Variants in BCAS4 observed in about 807,000 individuals in gnomAD.
The protein encoded by BCAS4 is breast carcinoma amplified sequence 4.
BCAS4 carries 9 observed loss-of-function variants against 15.7 expected under a neutral mutation model. The observed-to-expected ratio is 0.57, with a 90% CI of 0.34 to 1.00. The LOEUF is 1.00. Ranked by LOEUF, BCAS4 falls within the 50% of genes least tolerant of loss-of-function variation. The probability of loss-of-function intolerance (pLI) is 0.02; values close to 1 mark genes in which losing one functional copy is unlikely to be tolerated. For synonymous variants in BCAS4, 101 were observed against 99.5 expected (o/e 1.02, Z -0.09); for missense variants, 225 against 239.1 (o/e 0.94, Z 0.39).
chr20:50,825,249 T>G (rs2088265692), intron 2 of BCAS4, among the ~76,000 whole-genome samples: 1 of 152,196 alleles, frequency 6.6e-6, no homozygotes, highest in African/African-American at 2.4e-5. Context: ...TTTAATAAAT[T>G]TTTAATTTTT....
Position 50,843,154 on chromosome 20 carries a change from G to A in BCAS4, c.399+1254G>A, listed in dbSNP as rs560398692. ...TTTCTTTTTGTAGAGACAGAGGCTC[G>A]CTTTGCTGCCCAGGCTGGTCTCCAT... On this transcript the variant is annotated intron_variant, in intron 4 of 4. Coordinates refer to ENST00000371608, the MANE Select transcript of BCAS4 (RefSeq NM_198799.4). Among the ~76,000 whole-genome samples the A allele has an allele frequency of 4.6e-5, 7 of 151,576 alleles. No homozygotes were observed. The East Asian group carries it at 5.9e-4, about 13-fold the overall frequency.
At chr20:50,875,786 G>GAA (rs34402774) in intron 4 of BCAS4, among the ~76,000 whole-genome samples, 169 of 144,450 alleles carry the variant, frequency 1.2e-3, no homozygotes, top group African/African-American at 4.1e-3. Flanking sequence ...CGTCTCAAAA[G>GAA]AAAAAAAAAA....
Position 50,825,399 on chromosome 20 carries a change from G to A in BCAS4, c.163-4880G>A, listed in dbSNP as rs547248815. Among the ~76,000 whole-genome samples, 15 of 152,202 alleles carry A rather than the reference G, an allele frequency of 9.9e-5. No individual in the cohort carries two copies. In the South Asian group the frequency reaches 3.1e-3, roughly 32 times the overall value. Reference sequence around the variant, plus strand: ...ACCTGGCCCTAAAGTTTCTTTTATGGTTCCCAGCCCAGGGTGGAACCAAGA... The same window carrying A: ...ACCTGGCCCTAAAGTTTCTTTTATGATTCCCAGCCCAGGGTGGAACCAAGA... On this transcript the variant is annotated intron_variant, in intron 2 of 4. Coordinates refer to ENST00000371608, the MANE Select transcript of BCAS4 (RefSeq NM_198799.4).
intron 4 of BCAS4, among the ~76,000 whole-genome samples, chr20:50,855,339 C>T (rs1410164032): frequency 6.6e-6 from 1 of 152,150 alleles, no homozygotes; most frequent in Non-Finnish European, 1.5e-5. Flanking sequence ...GTTCATCTTG[C>T]TTGTCTCTGC....
chr20:50,838,670 C>G (rs2088439275), intron 3 of BCAS4, among the ~76,000 whole-genome samples: 2 of 152,092 alleles, frequency 1.3e-5, no homozygotes, highest in Non-Finnish European at 1.5e-5. Context: ...CACAGAGAAA[C>G]TCCGTCTCTA....
At chr20:50,850,211 G>A (rs1180785914) in intron 4 of BCAS4, among the ~76,000 whole-genome samples, 2 of 152,190 alleles carry the variant, frequency 1.3e-5, no homozygotes, top group Non-Finnish European at 2.9e-5. Context: ...GTATACGAAG[G>A]GCTTTCTGTG....
chr20:50,812,751 T>C (rs2123765016), intron 1 of BCAS4, among the ~76,000 whole-genome samples: 1 of 152,048 alleles, frequency 6.6e-6, no homozygotes, highest in Admixed American at 6.5e-5. Flanking sequence ...TTTCAACTTT[T>C]TGACTGTAAT....
chr20:50,815,327 C>CA (rs1248946459), intron 1 of BCAS4, among the ~76,000 whole-genome samples: 1 of 152,160 alleles, frequency 6.6e-6, no homozygotes, highest in Non-Finnish European at 1.5e-5. Flanking sequence ...CGTGGCCTCC[C>CA]ATGCAGGTTG....
At chr20:50,860,272 C>T (rs73280664) in intron 4 of BCAS4, among the ~76,000 whole-genome samples, 2,196 of 152,246 alleles carry the variant, frequency 0.014, 64 homozygotes, top group African/African-American at 0.048. Context: ...CTCCCCAGTC[C>T]GACTTGGACT....
At chr20:50,870,157 G>T (rs1979561384) in intron 4 of BCAS4, among the ~76,000 whole-genome samples, 1 of 152,244 alleles carries the variant, frequency 6.6e-6, no homozygotes, top group Admixed American at 6.5e-5. Context: ...TTGTGACAGA[G>T]ACTGTGTGGT....
chr20:50,815,848 G>A (rs529284459), intron 1 of BCAS4, among the ~76,000 whole-genome samples: 2 of 152,320 alleles, frequency 1.3e-5, no homozygotes, highest in African/African-American at 2.4e-5. Context: ...GACTAGGCCT[G>A]CCCAGAAACT....
intron 4 of BCAS4, among the ~76,000 whole-genome samples, chr20:50,843,085 A>G (rs2088503802): frequency 6.6e-6 from 1 of 151,990 alleles, no homozygotes; most frequent in Admixed American, 6.6e-5. Context: ...TTAGCCTCCC[A>G]AGTAGTTGGG....
Position 50,816,791 on chromosome 20 carries a change from ATTTTTTTTTTTTTTTTT to A in BCAS4, c.91-1405_91-1389del, listed in dbSNP as rs35600563. Reference sequence around the variant, plus strand: ...AGACATGCACCACCATGCCTGGCTAATTTTTTTTTTTTTTTTTTTTTTTTTTTTTTTGAGACGGAATC... The same window carrying A: ...AGACATGCACCACCATGCCTGGCTAATTTTTTTTTTTTTTGAGACGGAATC... On this transcript the variant is annotated intron_variant, in intron 1 of 4. Transcript: ENST00000371608. 3.4e-3 allele frequency among the ~76,000 whole-genome samples: 278 copies of A among 80,942 alleles called. 3 individuals are homozygous for A. Among genetic ancestry groups the A allele is most frequent in the African/African-American group, 0.016 (261 of 16,164 alleles). 53.1% of individuals were successfully genotyped at this position (80,942 alleles called of 152,430 possible).
At chr20:50,795,793 A>T (rs2087849078) in intron 1 of BCAS4, among the ~76,000 whole-genome samples, 1 of 152,236 alleles carries the variant, frequency 6.6e-6, no homozygotes, top group Non-Finnish European at 1.5e-5. Context: ...TATTTAACAT[A>T]AAGGCTATGC....
At chr20:50,878,212 C>T (rs1320637597), downstream of BCAS4, 1 of 152,184 alleles carries the variant, frequency 6.6e-6, no homozygotes, top group African/African-American at 2.4e-5. Context: ...CTCTGTCACC[C>T]AGGCTGTAGT....
intron 3 of BCAS4, 111 bp from the exon 4 acceptor site, chr20:50,841,655 G>A: frequency 1.4e-6 from 2 of 1,459,316 alleles, no homozygotes; most frequent in Non-Finnish European, 1.9e-6. Context: ...ATTGGAGGGA[G>A]GCTGGTCGCA....
chr20:50,857,194 C>T (rs111832749), intron 4 of BCAS4, among the ~76,000 whole-genome samples: 3,986 of 152,262 alleles, frequency 0.026, 66 homozygotes, highest in Non-Finnish European at 0.04. Context: ...TGCAATGGCG[C>T]GATCTCAGCT....
chr20:50,871,026 C>T (rs1386278715), intron 4 of BCAS4, among the ~76,000 whole-genome samples: 3 of 152,212 alleles, frequency 2.0e-5, no homozygotes, highest in African/African-American at 4.8e-5. Flanking sequence ...AAGGGTTGGA[C>T]GCACCTCCTG....
chr20:50,857,830 C>T (rs910606471), intron 4 of BCAS4, among the ~76,000 whole-genome samples: 1 of 152,182 alleles, frequency 6.6e-6, no homozygotes. Flanking sequence ...TCAGCAGTCC[C>T]CCATTTCTGG....
Sources: allele counts gnomAD v4.1 joint callset (sites outside exome capture counted in the v4.1 genomes callset), GRCh38; gene constraint gnomAD v4.1.1; transcripts MANE v1.5; gene names NCBI Gene and HGNC (gene_info 2026-07-23, HGNC 2026-07-21).